CNTN6: variants seen among roughly 807,000 people sequenced by gnomAD.
The protein encoded by CNTN6 is contactin 6.
CNTN6 carries 137 observed loss-of-function variants against 122.8 expected under a neutral mutation model. That is an observed-to-expected ratio of 1.12 (90% CI 0.97 to 1.29). CNTN6 has a LOEUF of 1.29. Ranked by LOEUF, CNTN6 falls within the 50% of genes most tolerant of loss-of-function variation. The probability of loss-of-function intolerance (pLI) is 0.00; values close to 1 mark genes in which losing one functional copy is unlikely to be tolerated. For missense variants in CNTN6, 1,634 were observed against 1,223.4 expected (o/e 1.34, Z -5.01); for synonymous variants, 570 against 426.0 (o/e 1.34, Z -4.16).
intron 4 of CNTN6, among the ~76,000 whole-genome samples, chr3:1,234,553 C>A (rs62229420): frequency 0.076 from 11,553 of 152,082 alleles, 507 homozygotes; most frequent in Middle Eastern, 0.14. Context: ...TAAGACCCAG[C>A]AGAAGAAGCT....
rs1225848580 is a variant in CNTN6, at chr3:1,388,283, C to T, written c.2704+2486C>T. 2.0e-5 allele frequency among the ~76,000 whole-genome samples: 3 copies of T among 148,286 alleles called. No individual in the cohort carries two copies. The Admixed American group carries it at 2.0e-4, about 10-fold the overall frequency. ...ACCCCCGAGCAGCCTAACTGGGAGG[C>T]ACCCCCCAGCAGGGGCACACTGACA... On this transcript the variant is annotated intron_variant, in intron 20 of 22. Coordinates refer to ENST00000446702, the MANE Select transcript of CNTN6 (RefSeq NM_001289080.2).
Position 1,148,045 on chromosome 3 carries a change from C to G in CNTN6, c.37C>G (p.Leu13Val). 6.2e-7 allele frequency: 1 copy of G among 1,607,992 alleles called. No homozygotes were observed. Residue 13 changes from leucine to valine, a missense_variant, in exon 2 of 23, where the codon CTC becomes GTC. By Grantham distance (32) the Leu-to-Val change is conservative. Coordinates refer to ENST00000446702, the MANE Select transcript of CNTN6 (RefSeq NM_001289080.2). ...ATGGAAACTGGTAATTCTGCTGCCA[C>G]TCATAAACTCTTCTGCAGGTAAAGT... ...LLWKLVILLP[L>V]INSSAGDGLL...
intron 2 of CNTN6, among the ~76,000 whole-genome samples, chr3:1,215,631 CTTGAG>C (rs1046384825): frequency 5.3e-5 from 8 of 151,878 alleles, no homozygotes; most frequent in Admixed American, 1.3e-4. Context: ...CCCAGGTTTT[CTTGAG>C]TTATGTTTTC....
At chr3:1,297,320 G>A (rs1454824534) in intron 6 of CNTN6, among the ~76,000 whole-genome samples, 1 of 152,050 alleles carries the variant, frequency 6.6e-6, no homozygotes, top group African/African-American at 2.4e-5. Context: ...AATGAGAATA[G>A]CCTACAGATA....
chr3:1,183,393 A>C (rs72999851), intron 2 of CNTN6, among the ~76,000 whole-genome samples: 2 of 152,216 alleles, frequency 1.3e-5, no homozygotes, highest in Non-Finnish European at 2.9e-5. Context: ...TTTAAATTTA[A>C]AAAGAAATGG....
chr3:1,366,301 G>A (rs1708209460), intron 12 of CNTN6, among the ~76,000 whole-genome samples: 1 of 152,128 alleles, frequency 6.6e-6, no homozygotes, highest in East Asian at 1.9e-4. Flanking sequence ...AAACGATAGA[G>A]TCTAGCGTAG....
chr3:1,288,536 A>T (rs1297110701), intron 5 of CNTN6, among the ~76,000 whole-genome samples: 1 of 152,202 alleles, frequency 6.6e-6, no homozygotes, highest in Non-Finnish European at 1.5e-5. Context: ...ATTCTGGAAT[A>T]TTCCAAAGGG....
chr3:1,214,991 T>C (rs1299130462), intron 2 of CNTN6, among the ~76,000 whole-genome samples: 2 of 152,170 alleles, frequency 1.3e-5, no homozygotes, highest in East Asian at 3.9e-4. Flanking sequence ...ACTCTTAGCC[T>C]CAAGTGATCC....
At chr3:1,180,494 C>T (rs2093533704) in intron 2 of CNTN6, among the ~76,000 whole-genome samples, 1 of 152,226 alleles carries the variant, frequency 6.6e-6, no homozygotes, top group South Asian at 2.1e-4. Flanking sequence ...ACTAATCCTG[C>T]TGACTCTATT....
At chr3:1,109,137 C>CA (rs2091360402) in intron 1 of CNTN6, among the ~76,000 whole-genome samples, 1 of 151,892 alleles carries the variant, frequency 6.6e-6, no homozygotes, top group Non-Finnish European at 1.5e-5. Context: ...GGGGAAACAG[C>CA]GTTTGCATTT....
chr3:1,327,341 A>G (rs2125990749), intron 9 of CNTN6, 116 bp from the exon 10 acceptor site: 2 of 1,156,290 alleles, frequency 1.7e-6, no homozygotes, highest in South Asian at 2.9e-5. Context: ...TAGTGTATTA[A>G]TACACCAAAT....
chr3:1,298,222 A>C lies in CNTN6; in HGVS notation c.761+231A>C, dbSNP rs148893846. The C allele has an allele frequency of 9.1e-6, 4 of 441,234 alleles. No homozygotes were observed. The East Asian group carries it at 1.6e-4, about 17-fold the overall frequency. The allele number at this position is 441,234 out of a possible 1,614,324, so 27.3% of individuals were successfully genotyped here. A position where few individuals can be genotyped will look rare whatever the true frequency, so the allele number is the denominator to read the frequency against. On this transcript the variant is annotated intron_variant, in intron 7 of 22. Transcript: ENST00000446702. ...CTGCAATTCTTCCCTACAGGTGCTG[A>C]TATTTCCTTAGTTTAAGCATAATGA...
chr3:1,256,654 C>G (rs925872671), intron 4 of CNTN6, among the ~76,000 whole-genome samples: 1 of 151,834 alleles, frequency 6.6e-6, no homozygotes, highest in Non-Finnish European at 1.5e-5. Context: ...ATTTTTCAAT[C>G]AAGAAGAAAA....
intron 4 of CNTN6, among the ~76,000 whole-genome samples, chr3:1,233,452 G>T (rs1575342249): frequency 2.6e-5 from 4 of 152,134 alleles, no homozygotes; most frequent in Admixed American, 2.6e-4. Flanking sequence ...AATGTAGTTT[G>T]AAGCCAGGCG....
chr3:1,299,422 T>C (rs534849499), intron 7 of CNTN6, among the ~76,000 whole-genome samples: 4 of 152,174 alleles, frequency 2.6e-5, no homozygotes, highest in Non-Finnish European at 4.4e-5. Context: ...TCAGGAAATA[T>C]AGATTCCTGA....
chr3:1,366,140 C>T (rs1322271922), intron 12 of CNTN6, among the ~76,000 whole-genome samples: 1 of 152,122 alleles, frequency 6.6e-6, no homozygotes. Context: ...GCTCAGGAAA[C>T]TCTTACACAT....
chr3:1,348,287 T>C (rs1705074494), intron 11 of CNTN6, among the ~76,000 whole-genome samples: 2 of 151,884 alleles, frequency 1.3e-5, no homozygotes, highest in South Asian at 4.1e-4. Flanking sequence ...TCCACTCTGC[T>C]AATTACACCA....
Position 1,402,190 on chromosome 3 carries a change from G to C in CNTN6, c.2818-128G>C, listed in dbSNP as rs557356941. On this transcript the variant is annotated intron_variant, in intron 21 of 22. Coordinates refer to ENST00000446702, the MANE Select transcript of CNTN6 (RefSeq NM_001289080.2). ...GGAATATAAGGAAAAGACATCACTT[G>C]GATATTTCCATCTGAGGAGTACAAC... 2.5e-5 allele frequency: 16 copies of C among 632,894 alleles called. No individual in the cohort carries two copies. In the African/African-American group the frequency reaches 3.0e-4, roughly 12 times the overall value. 39.2% of individuals were successfully genotyped at this position (632,894 alleles called of 1,614,324 possible).
chr3:1,292,233 G>A (rs1256819368), intron 5 of CNTN6, among the ~76,000 whole-genome samples: 1 of 151,976 alleles, frequency 6.6e-6, no homozygotes, highest in African/African-American at 2.4e-5. Context: ...TGATAGAGAG[G>A]GTTTTATTTA....
Sources: gnomAD v4.1 joint callset for allele counts (sites outside exome capture counted in the v4.1 genomes callset) on GRCh38, gnomAD v4.1.1 for gene constraint, MANE v1.5 for transcripts, NCBI Gene and HGNC (gene_info 2026-07-23, HGNC 2026-07-21) for gene names.